Variants in ANKFN1 observed in about 807,000 individuals in gnomAD.
ANKFN1 encodes ankyrin repeat and fibronectin type III domain containing 1, also known as ankyrin repeat and fibronectin type-III domain-containing protein 1.
A neutral mutation model predicts 108.7 loss-of-function variants in ANKFN1; 74 were observed. That is an observed-to-expected ratio of 0.68 (90% CI 0.56 to 0.83). ANKFN1 has a LOEUF of 0.83. ANKFN1 is among the 40% of genes least tolerant of loss of function. The probability of loss-of-function intolerance (pLI) is 0.00; values close to 1 mark genes in which losing one functional copy is unlikely to be tolerated. For missense variants in ANKFN1, 1,505 were observed against 1,382.3 expected (o/e 1.09, Z -1.41); for synonymous variants, 547 against 516.2 (o/e 1.06, Z -0.81).
At chr17:56,047,982 A>G (rs1183553695) in intron 4 of ANKFN1, among the ~76,000 whole-genome samples, 1 of 152,210 alleles carries the variant, frequency 6.6e-6, no homozygotes, top group Non-Finnish European at 1.5e-5. Flanking sequence ...TCTTCTCCTA[A>G]TCTCACCCCT....
intron 3 of ANKFN1, among the ~76,000 whole-genome samples, chr17:56,231,959 C>G (rs1453595468): frequency 6.6e-6 from 1 of 152,084 alleles, no homozygotes; most frequent in Non-Finnish European, 1.5e-5. Flanking sequence ...CATATGGTAG[C>G]CTAATCCGTT....
intron 4 of ANKFN1, among the ~76,000 whole-genome samples, chr17:56,345,602 G>A (rs2046077492): frequency 6.6e-6 from 1 of 152,126 alleles, no homozygotes; most frequent in Non-Finnish European, 1.5e-5. Flanking sequence ...GCATGAGATG[G>A]TATGTCATTG....
At chr17:56,227,438 T>C (rs2143907812) in intron 2 of ANKFN1, among the ~76,000 whole-genome samples, 1 of 152,282 alleles carries the variant, frequency 6.6e-6, no homozygotes, top group South Asian at 2.1e-4. Flanking sequence ...AACTGTCCAT[T>C]TATCCTAATA....
chr17:56,141,931 T>TG (rs1907947095), intron 4 of ANKFN1, among the ~76,000 whole-genome samples: 1 of 141,044 alleles, frequency 7.1e-6, no homozygotes, highest in African/African-American at 2.7e-5. Flanking sequence ...TACTTTTTTT[T>TG]TTTTTTTTTT....
At chr17:56,218,875 T>A (rs1915635899) in intron 2 of ANKFN1, among the ~76,000 whole-genome samples, 1 of 152,238 alleles carries the variant, frequency 6.6e-6, no homozygotes, top group African/African-American at 2.4e-5. Flanking sequence ...ACATTTAACT[T>A]ATTTTTTCTG....
At chr17:56,496,728 T>A (rs1274288183) in intron 19 of ANKFN1, among the ~76,000 whole-genome samples, 1 of 152,240 alleles carries the variant, frequency 6.6e-6, no homozygotes, top group Non-Finnish European at 1.5e-5. Context: ...CTAAACTTAA[T>A]CATATCTTTT....
At chr17:56,290,144 C>G (rs945754983) in intron 3 of ANKFN1, among the ~76,000 whole-genome samples, 1 of 152,054 alleles carries the variant, frequency 6.6e-6, no homozygotes, top group Non-Finnish European at 1.5e-5. Flanking sequence ...TTCTGTTTTC[C>G]TCTGCTCATT....
intron 4 of ANKFN1, among the ~76,000 whole-genome samples, chr17:56,336,214 A>T (rs1299618910): frequency 6.6e-6 from 1 of 152,160 alleles, no homozygotes; most frequent in Admixed American, 6.6e-5. Flanking sequence ...TGGTATCAGG[A>T]TGATGCTGGC....
chr17:56,383,188 G>C (rs1449928106), intron 8 of ANKFN1, among the ~76,000 whole-genome samples: 8 of 152,024 alleles, frequency 5.3e-5, no homozygotes, highest in South Asian at 2.1e-4. Flanking sequence ...CTCAAAACCA[G>C]ACAACTACAT....
intron 8 of ANKFN1, among the ~76,000 whole-genome samples, chr17:56,438,962 A>C (rs2049012534): frequency 6.6e-6 from 1 of 152,198 alleles, no homozygotes; most frequent in Non-Finnish European, 1.5e-5. Flanking sequence ...AGTTAATGCA[A>C]AAGAGAAGTA....
chr17:56,463,429 A>G (rs570067020), intron 14 of ANKFN1, among the ~76,000 whole-genome samples: 2 of 152,190 alleles, frequency 1.3e-5, no homozygotes, highest in Non-Finnish European at 2.9e-5. Context: ...AAAATTATTC[A>G]TATTATAGTA....
At chr17:56,112,741 T>A (rs1210947999) in intron 4 of ANKFN1, among the ~76,000 whole-genome samples, 1 of 152,216 alleles carries the variant, frequency 6.6e-6, no homozygotes, top group Non-Finnish European at 1.5e-5. Context: ...TATGCCAATA[T>A]GTGTAGATAC....
At chr17:56,430,497 T>G (rs1317695122) in intron 8 of ANKFN1, among the ~76,000 whole-genome samples, 1 of 92,820 alleles carries the variant, frequency 1.1e-5, no homozygotes, top group Non-Finnish European at 2.3e-5. Flanking sequence ...TTTGATGCTT[T>G]TACCACACAC....
chr17:56,308,240 A>T (rs200831168), intron 3 of ANKFN1, among the ~76,000 whole-genome samples: 21 of 118,076 alleles, frequency 1.8e-4, no homozygotes, highest in East Asian at 8.1e-4. Flanking sequence ...AGTATAATAA[A>T]AAAAAAAAAG....
chr17:56,387,008 T>C (rs2047296013), intron 8 of ANKFN1, among the ~76,000 whole-genome samples: 1 of 152,132 alleles, frequency 6.6e-6, no homozygotes, highest in Non-Finnish European at 1.5e-5. Flanking sequence ...ATCATGGTGA[T>C]TATAGCCCCT....
intron 10 of ANKFN1, among the ~76,000 whole-genome samples, chr17:56,447,973 G>A (rs1017056047): frequency 6.6e-6 from 1 of 152,074 alleles, no homozygotes; most frequent in Non-Finnish European, 1.5e-5. Context: ...GAACCACTAT[G>A]GAATGCTTTT....
intron 3 of ANKFN1, among the ~76,000 whole-genome samples, chr17:56,271,981 C>A (rs554024951): frequency 6.6e-5 from 10 of 152,270 alleles, no homozygotes; most frequent in Admixed American, 2.0e-4. Context: ...TAAATAGTAG[C>A]TGTTGTTACT....
chr17:56,152,241 G>A (rs1163715305), upstream of ANKFN1, among the ~76,000 whole-genome samples: 1 of 139,368 alleles, frequency 7.2e-6, no homozygotes, highest in African/African-American at 2.7e-5. Flanking sequence ...CCATCTTGCA[G>A]GGAAATATAT....
chr17:56,340,644 T>G (rs2045936351), intron 4 of ANKFN1, among the ~76,000 whole-genome samples: 1 of 152,122 alleles, frequency 6.6e-6, no homozygotes, highest in African/African-American at 2.4e-5. Context: ...GGTTTGCTAT[T>G]CTTTTCCATT....
Sources: gnomAD v4.1 joint callset for allele counts (sites outside exome capture counted in the v4.1 genomes callset) on GRCh38, gnomAD v4.1.1 for gene constraint, MANE v1.5 for transcripts, NCBI Gene and HGNC (gene_info 2026-07-23, HGNC 2026-07-21) for gene names.